DNAH5: variants seen among roughly 807,000 people sequenced by gnomAD.
DNAH5 encodes axonemal beta dynein heavy chain 5.
In DNAH5, 372 loss-of-function variants were observed where a neutral mutation model predicts 518.2. That is an observed-to-expected ratio of 0.72 (90% CI 0.66 to 0.78). The LOEUF (loss-of-function observed/expected upper bound fraction) is 0.78. DNAH5 is among the 30% of genes least tolerant of loss of function. The pLI is 0.00. For synonymous variants in DNAH5, 2,039 were observed against 2,025.9 expected, an observed-to-expected ratio of 1.01 and a Z score of -0.17; for missense variants, 5,523 against 5,687.0, an observed-to-expected ratio of 0.97 and a Z score of 0.93.
Position 13,824,232 on chromosome 5 carries a change from C to G in DNAH5, c.6546G>C (p.Met2182Ile). 1 of 1,613,860 alleles carries G rather than the reference C, an allele frequency of 6.2e-7. No individual in the cohort carries two copies. Among genetic ancestry groups the G allele is most frequent in the Non-Finnish European group, 8.5e-7 (1 of 1,179,746 alleles). ...NPMDTESTIV[M>I]RVLRDMNLSK... ...AAAGATTCATGTCCCGTAGTACACG[C>G]ATGACAATCGTGGACTCCGTATCCA... The change falls in exon 39 of 79, where the codon ATG (methionine) becomes ATC (isoleucine). Residue 2182 changes from methionine to isoleucine, a missense_variant. By Grantham distance (10) the Met-to-Ile change is conservative (BLOSUM62 1). Around this residue, in one of 3 missense-constraint regions of DNAH5, gnomAD observed 5,121 missense variants for 5,223.3 expected, o/e 0.98. Transcript: ENST00000265104.
chr5:13,915,653 T>C (rs187426777), intron 9 of DNAH5, among the ~76,000 whole-genome samples: 8 of 152,198 alleles, frequency 5.3e-5, no homozygotes, highest in African/African-American at 1.9e-4. Flanking sequence ...CAGGAAGAAT[T>C]GTGCTTCCTA....
In DNAH5 at chr5:13,883,077, T is replaced by A. The variant is rs1162144522; in HGVS notation, c.3001A>T (p.Asn1001Tyr). 6.2e-7 allele frequency: 1 copy of A among 1,613,938 alleles called. No individual in the cohort carries two copies. Among genetic ancestry groups the A allele is most frequent in the East Asian group, 2.2e-5 (1 of 44,900 alleles). The change falls in exon 20 of 79, where the codon AAC becomes TAC. Residue 1001 changes from asparagine (N) to tyrosine (Y), a missense_variant. By Grantham distance (143) the Asn-to-Tyr change is moderately radical. Coordinates refer to ENST00000265104, the MANE Select transcript of DNAH5 (RefSeq NM_001369.3). ...INFRDSNSAS[N>Y]MKQNSLPIFR... is the part of the protein sequence containing the mutation. Reference sequence around the variant, plus strand: ...ATGGGCAAACTGTTCTGCTTCATGTTAGAGGCACTGTTACTGTCTGAGTTA... The same window carrying A: ...ATGGGCAAACTGTTCTGCTTCATGTAAGAGGCACTGTTACTGTCTGAGTTA...
In DNAH5 at chr5:13,718,990, T is replaced by C; in HGVS notation, c.12391A>G (p.Thr4131Ala). ...GGAAACTGCTTATGAGCCTCGGTGG[T>C]CATCCAGAGGCGGAACGCATCATGT... ...LVHDAFRLWM[T>A]TEAHKQFPIT... Residue 4131 changes from threonine (T) to alanine (A), a missense_variant, in exon 72 of 79, where the codon ACC becomes GCC. Around this residue, in one of 3 missense-constraint regions of DNAH5, gnomAD observed 5,121 missense variants for 5,223.3 expected, o/e 0.98. Transcript: ENST00000265104. The C allele has an allele frequency of 6.2e-7, 1 of 1,614,012 alleles. No homozygotes were observed.
At chr5:13,879,732 G>A (rs1771381310) in intron 21 of DNAH5, among the ~76,000 whole-genome samples, 1 of 151,834 alleles carries the variant, frequency 6.6e-6, no homozygotes, top group Non-Finnish European at 1.5e-5. Context: ...TGGATTCAAA[G>A]AGAGGTCACT....
intron 35 of DNAH5, among the ~76,000 whole-genome samples, chr5:13,834,693 G>C (rs1764142214): frequency 6.6e-6 from 1 of 152,214 alleles, no homozygotes; most frequent in African/African-American, 2.4e-5. Flanking sequence ...TGAAGGAAGA[G>C]GGTGCCAGGC....
chr5:13,944,376 C>T lies in DNAH5; in HGVS notation c.57+6G>A, dbSNP rs778041563. On this transcript the variant is annotated splice_donor_region_variant and intron_variant, in intron 1 of 78. Transcript: ENST00000265104. ...ACATGCAAAGGTACAGACAACAGCACCTTACCGTTAAAACTCGAGTGACGC... is the reference window on the plus strand; with the variant it reads ...ACATGCAAAGGTACAGACAACAGCATCTTACCGTTAAAACTCGAGTGACGC... The T allele has an allele frequency of 1.9e-6, 3 of 1,613,722 alleles. No homozygotes were observed. The highest frequency in any genetic ancestry group is 8.5e-7 in the Non-Finnish European group (1 of 1,179,782).
intron 11 of DNAH5, among the ~76,000 whole-genome samples, chr5:13,913,075 CA>C (rs1385997817): frequency 6.6e-6 from 1 of 151,152 alleles, no homozygotes; most frequent in African/African-American, 2.4e-5. Context: ...ATTCAAGTAC[CA>C]AAAAAAATTT....
chr5:13,750,279 G>A (rs992031911), intron 65 of DNAH5, among the ~76,000 whole-genome samples: 12 of 152,122 alleles, frequency 7.9e-5, no homozygotes, highest in Admixed American at 7.2e-4. Flanking sequence ...TCGAACCCAG[G>A]AGGAAATCAA....
chr5:13,794,069 A>G lies in DNAH5; in HGVS notation c.7888-11T>C, dbSNP rs1409248027. The G allele has an allele frequency of 3.1e-6, 5 of 1,614,102 alleles. No individual in the cohort carries two copies. The highest frequency in any genetic ancestry group is 4.2e-6 in the Non-Finnish European group (5 of 1,179,998). On this transcript the variant is annotated splice_polypyrimidine_tract_variant and intron_variant, in intron 47 of 78. Transcript: ENST00000265104. ...GCTCTCTATCGTCCTCTGTGAAAAA[A>G]AAATCAACTGAAACATCTGTGAAAA... is the stretch of plus-strand genomic sequence containing the variant.
chr5:13,736,036 T>G, intron 66 of DNAH5, 104 bp from the exon 67 acceptor site: 1 of 869,646 alleles, frequency 1.1e-6, no homozygotes, highest in Non-Finnish European at 1.9e-6. Context: ...AACTTTTATT[T>G]TAGGCAGTGG....
intron 75 of DNAH5, among the ~76,000 whole-genome samples, chr5:13,713,836 GA>G (rs540003472): frequency 1.3e-5 from 2 of 151,170 alleles, no homozygotes; most frequent in Non-Finnish European, 2.9e-5. Context: ...AATAACTCAT[GA>G]AAAAAAACTT....
At chr5:13,853,408 T>C (rs998686662) in intron 30 of DNAH5, among the ~76,000 whole-genome samples, 2 of 152,070 alleles carry the variant, frequency 1.3e-5, no homozygotes, top group South Asian at 2.1e-4. Flanking sequence ...TACACGAAGA[T>C]GAGGAAAAAC....
In DNAH5 at chr5:13,844,929, C is replaced by T. The variant is rs1561414202; in HGVS notation, c.5179G>A (p.Glu1727Lys). The change falls in exon 32 of 79, where the codon GAG becomes AAG. Residue 1727 changes from glutamate to lysine, a missense_variant. This residue lies in a region of DNAH5 where 5,121 missense variants were observed against 5,223.3 expected (regional missense o/e 0.98). Transcript: ENST00000265104. Reference sequence around the variant, plus strand: ...GAGTCCGACGCCTGCCCCAGAATCTCTAGAAGGGCAGGATCTGAGACGAAG... The same window carrying T: ...GAGTCCGACGCCTGCCCCAGAATCTTTAGAAGGGCAGGATCTGAGACGAAG... ...FFFVSDPALL[E>K]ILGQASDSHT... 1 of 1,614,110 alleles carries T rather than the reference C, an allele frequency of 6.2e-7. No individual in the cohort carries two copies. Among genetic ancestry groups the T allele is most frequent in the Non-Finnish European group, 8.5e-7 (1 of 1,180,008 alleles).
intron 29 of DNAH5, chr5:13,860,624 T>A (rs751085118): frequency 6.6e-6 from 1 of 152,180 alleles, no homozygotes; most frequent in Non-Finnish European, 1.5e-5. Flanking sequence ...GACAGATGAG[T>A]GAGCCAGACC....
intron 32 of DNAH5, 93 bp from the exon 33 acceptor site, chr5:13,841,997 A>T: frequency 1.3e-6 from 1 of 790,530 alleles, no homozygotes; most frequent in Non-Finnish European, 2.1e-6. Context: ...AAGAAAGTAA[A>T]GCTACAGATT....
At chr5:13,716,358 C>G in intron 74 of DNAH5, 129 bp downstream of exon 74, 1 of 709,142 alleles carries the variant, frequency 1.4e-6, no homozygotes, top group Non-Finnish European at 2.5e-6. Flanking sequence ...AAAGCCTTCA[C>G]AGCAAAAGCA....
intron 78 of DNAH5, among the ~76,000 whole-genome samples, chr5:13,695,103 T>C (rs13358387): frequency 0.024 from 3,681 of 152,332 alleles, 138 homozygotes; most frequent in African/African-American, 0.084. Context: ...TATGCATGTA[T>C]ACCTCTGCCT....
intron 41 of DNAH5, among the ~76,000 whole-genome samples, chr5:13,818,077 T>A (rs919589203): frequency 6.6e-6 from 1 of 152,222 alleles, no homozygotes; most frequent in African/African-American, 2.4e-5. Flanking sequence ...CCTCATTCAC[T>A]GCATTATCAG....
intron 47 of DNAH5, 93 bp downstream of exon 47, chr5:13,807,498 G>T: frequency 8.0e-7 from 1 of 1,247,544 alleles, no homozygotes; most frequent in Non-Finnish European, 1.2e-6. Context: ...TGAAAATTCA[G>T]ATGAGATTCA....
Sources: gnomAD v4.1 joint callset for allele counts (sites outside exome capture counted in the v4.1 genomes callset) on GRCh38, gnomAD v4.1.1 for gene constraint, gnomAD v4.1.1 regional missense constraint, MANE v1.5 for transcripts, NCBI Gene and HGNC (gene_info 2026-07-23, HGNC 2026-07-21) for gene names.